SRGAP3: variants seen among roughly 807,000 people sequenced by gnomAD.
The protein encoded by SRGAP3 is SLIT-ROBO Rho GTPase-activating protein 3.
Under a neutral mutation model 121.1 loss-of-function variants are expected in SRGAP3, and 39 were observed. The ratio of observed to expected loss-of-function variants is 0.32; its 90% confidence interval spans 0.25 to 0.42. SRGAP3 has a LOEUF of 0.42. Among genes scored for constraint, SRGAP3 ranks in the 10% least tolerant of loss-of-function variants. SRGAP3 has a pLI of 1.00. For missense variants in SRGAP3, 1,213 were observed against 1,470.6 expected (o/e 0.82, Z 2.86); for synonymous variants, 601 against 570.0 (o/e 1.05, Z -0.77).
intron 9 of SRGAP3, among the ~76,000 whole-genome samples, chr3:9,047,769 C>T (rs1945362433): frequency 1.3e-5 from 2 of 152,194 alleles, no homozygotes. Flanking sequence ...CTGCCTTTGT[C>T]AGGTAAGGGC....
chr3:8,994,161 A>ATCC, intron 19 of SRGAP3, 182 bp downstream of exon 19: 1 of 800,616 alleles, frequency 1.2e-6, no homozygotes, highest in Non-Finnish European at 2.0e-6. Context: ...GAATTTGGAT[A>ATCC]TCCGTTAAGT....
At chr3:9,243,997 G>T (rs1272846345) in intron 1 of SRGAP3, among the ~76,000 whole-genome samples, 1 of 152,170 alleles carries the variant, frequency 6.6e-6, no homozygotes, top group African/African-American at 2.4e-5. Context: ...AGCAGCATCT[G>T]CCTTCTCTAG....
intron 3 of SRGAP3, among the ~76,000 whole-genome samples, chr3:9,301,520 G>A (rs1574985329): frequency 1.3e-5 from 2 of 152,322 alleles, no homozygotes; most frequent in Admixed American, 6.5e-5. Flanking sequence ...TTTGTGCCAC[G>A]TAAGAGCAGA....
chr3:9,127,586 G>A (rs1949284814), intron 1 of SRGAP3, among the ~76,000 whole-genome samples: 2 of 152,098 alleles, frequency 1.3e-5, no homozygotes, highest in African/African-American at 4.8e-5. Context: ...TAGCTGGGAC[G>A]ACAGGTGCGC....
At chr3:9,083,278 T>A (rs2125274346) in intron 3 of SRGAP3, among the ~76,000 whole-genome samples, 1 of 152,290 alleles carries the variant, frequency 6.6e-6, no homozygotes, top group African/African-American at 2.4e-5. Context: ...TTTTATGATC[T>A]TTTTACATAG....
intron 12 of SRGAP3, among the ~76,000 whole-genome samples, chr3:9,027,280 G>A (rs953239789): frequency 1.3e-5 from 2 of 152,230 alleles, no homozygotes; most frequent in Admixed American, 6.5e-5. Flanking sequence ...GCCCACTTGG[G>A]CAGTGGAGAG....
chr3:9,124,962 GGGGGCACT>G, intron 1 of SRGAP3, 45 bp from the exon 2 acceptor site: 4 of 1,609,028 alleles, frequency 2.5e-6, no homozygotes, highest in Non-Finnish European at 3.4e-6. Flanking sequence ...TGGTGGGGAC[GGGGGCACT>G]GGGGCCCGCT....
intron 3 of SRGAP3, among the ~76,000 whole-genome samples, chr3:9,084,912 C>T (rs1947392321): frequency 6.6e-6 from 1 of 152,158 alleles, no homozygotes; most frequent in Non-Finnish European, 1.5e-5. Flanking sequence ...CTAGCACAGG[C>T]CTGTTGGGCA....
intron 4 of SRGAP3, among the ~76,000 whole-genome samples, chr3:9,076,290 GCTTTAA>G (rs1946973293): frequency 2.0e-5 from 3 of 152,218 alleles, no homozygotes; most frequent in African/African-American, 7.2e-5. Flanking sequence ...TGAAACAAAG[GCTTTAA>G]ATAAGTCACT....
chr3:9,260,868 C>T (rs1954239657), intron 3 of SRGAP3, among the ~76,000 whole-genome samples: 1 of 152,244 alleles, frequency 6.6e-6, no homozygotes, highest in Admixed American at 6.5e-5. Flanking sequence ...CAGACTGCAT[C>T]CTCAAGCGGA....
chr3:9,303,412 G>T (rs185670517), intron 3 of SRGAP3, among the ~76,000 whole-genome samples: 99 of 147,668 alleles, frequency 6.7e-4, no homozygotes, highest in Middle Eastern at 7.1e-3. Context: ...GCGACAGAGT[G>T]AGACTCCATC....
chr3:9,217,261 C>T (rs963396834), intron 1 of SRGAP3: 1 of 152,202 alleles, frequency 6.6e-6, no homozygotes, highest in Non-Finnish European at 1.5e-5. Context: ...AATTATACCC[C>T]AGCCCTAAGG....
rs1953529656 is a variant in SRGAP3 at position 9,239,081 on chromosome 3, G to C, written c.67+9804C>G. Among the ~76,000 whole-genome samples the C allele has an allele frequency of 6.6e-6, 1 of 152,160 alleles. No homozygotes were observed. The highest frequency in any genetic ancestry group is 6.5e-5 in the Admixed American group (1 of 15,282). ...CTTATACTTATTTCTGTCACCCCCA[G>C]CAGAATAAAGATGTGAGGCCGGCCG... On this transcript the variant is annotated intron_variant, in intron 1 of 21. Coordinates refer to ENST00000383836, the MANE Select transcript of SRGAP3 (RefSeq NM_014850.4). This position sits in a 1 kb window ranked among gnomAD's most constrained non-coding sequence, Gnocchi z 4.0.
chr3:9,285,848 C>A (rs1402043431), intron 3 of SRGAP3, among the ~76,000 whole-genome samples: 1 of 151,946 alleles, frequency 6.6e-6, no homozygotes, highest in African/African-American at 2.4e-5. Context: ...TAGCTCACTC[C>A]TGTAATCCCA....
At chr3:9,154,878 GCA>G (rs1456836688) in intron 1 of SRGAP3, among the ~76,000 whole-genome samples, 4 of 140,800 alleles carry the variant, frequency 2.8e-5, no homozygotes, top group Admixed American at 2.1e-4. Context: ...TTTTTTTTTT[GCA>G]CAAAGGTTTA....
chr3:9,126,029 A>G (rs1949212314), intron 1 of SRGAP3, among the ~76,000 whole-genome samples: 1 of 152,204 alleles, frequency 6.6e-6, no homozygotes, highest in Non-Finnish European at 1.5e-5. Flanking sequence ...GCGTCATTTC[A>G]GCATCCTTCA....
chr3:9,161,670 A>G (rs1667426938), intron 1 of SRGAP3, among the ~76,000 whole-genome samples: 2 of 152,168 alleles, frequency 1.3e-5, no homozygotes, highest in South Asian at 2.1e-4. Flanking sequence ...CTTTCCTTTG[A>G]TAAATATCAG....
chr3:9,319,842 T>C (rs919186598), intron 3 of SRGAP3, among the ~76,000 whole-genome samples: 2 of 151,862 alleles, frequency 1.3e-5, no homozygotes, highest in Non-Finnish European at 2.9e-5. Context: ...GGAACATGAC[T>C]GTGAGAGTAA....
intron 1 of SRGAP3, among the ~76,000 whole-genome samples, chr3:9,134,047 C>G (rs1241054841): frequency 6.6e-6 from 1 of 152,208 alleles, no homozygotes; most frequent in Non-Finnish European, 1.5e-5. Flanking sequence ...AATGCAAATC[C>G]TGCACCTCTG....
Sources: allele counts gnomAD v4.1 joint callset (sites outside exome capture counted in the v4.1 genomes callset), GRCh38; gene constraint gnomAD v4.1.1; non-coding constraint Gnocchi (gnomAD v3.1); transcripts MANE v1.5; gene names NCBI Gene and HGNC (gene_info 2026-07-23, HGNC 2026-07-21).